DLGAP1: variants seen among roughly 807,000 people sequenced by gnomAD.
DLGAP1 encodes the protein disks large-associated protein 1.
A neutral mutation model predicts 90.8 loss-of-function variants in DLGAP1; 11 were observed. That is an observed-to-expected ratio of 0.12 (90% CI 0.08 to 0.20). DLGAP1 has a LOEUF of 0.20. Among genes scored for constraint, DLGAP1 ranks in the 10% least tolerant of loss-of-function variants. The pLI is 1.00. For synonymous variants in DLGAP1, 558 were observed against 540.7 expected, an observed-to-expected ratio of 1.03 and a Z score of -0.44; for missense variants, 1,050 against 1,333.8, an observed-to-expected ratio of 0.79 and a Z score of 3.31.
intron 2 of DLGAP1, among the ~76,000 whole-genome samples, chr18:4,105,414 T>C (rs1298635026): frequency 6.6e-6 from 1 of 152,180 alleles, no homozygotes; most frequent in Non-Finnish European, 1.5e-5. Context: ...GAAATAAAAG[T>C]CTTTTATTTC....
chr18:3,596,645 G>A (rs2056592081), intron 7 of DLGAP1: 3 of 311,990 alleles, frequency 9.6e-6, no homozygotes, highest in Admixed American at 1.0e-4. Flanking sequence ...TCTGTTCCAC[G>A]GATGTAACCA....
At chr18:3,899,520 C>CCTTTTGGA (rs1459173171) in intron 3 of DLGAP1, among the ~76,000 whole-genome samples, 25 of 152,288 alleles carry the variant, frequency 1.6e-4, no homozygotes, top group Non-Finnish European at 3.2e-4. Context: ...TTTGAGGAAA[C>CCTTTTGGA]CTTTTGGATG....
At chr18:4,436,318 G>A (rs780638744) in intron 1 of DLGAP1, among the ~76,000 whole-genome samples, 26 of 152,080 alleles carry the variant, frequency 1.7e-4, no homozygotes, top group Non-Finnish European at 3.2e-4. Context: ...CTAAAAGCCA[G>A]TGGTTCTGAA....
intron 2 of DLGAP1, among the ~76,000 whole-genome samples, chr18:4,054,390 T>C (rs2075182160): frequency 6.6e-6 from 1 of 152,208 alleles, no homozygotes; most frequent in Non-Finnish European, 1.5e-5. Context: ...GAAAAGTGCA[T>C]ATTTCTTCCA....
At position 3,893,177 on chromosome 18, in the gene DLGAP1, C is replaced by T. The variant is rs150102447; in HGVS notation, c.-72-13037G>A. 1.7e-4 allele frequency among the ~76,000 whole-genome samples: 26 copies of T among 152,174 alleles called. No homozygotes were observed. The East Asian group carries it at 5.0e-3, about 29-fold the overall frequency. ...AACTTTCTTTTTCTGAGTTATTTCA[C>T]TTAAGATAATGGCCTCCAGATCCAT... On this transcript the variant is annotated intron_variant, in intron 3 of 12. Transcript: ENST00000315677.
At chr18:4,345,497 T>C (rs2081286749) in intron 1 of DLGAP1, among the ~76,000 whole-genome samples, 1 of 152,210 alleles carries the variant, frequency 6.6e-6, no homozygotes, top group South Asian at 2.1e-4. Context: ...TCATAACCAG[T>C]TGAAAGGAGT....
At chr18:3,575,831 A>G (rs546895800) in intron 8 of DLGAP1, among the ~76,000 whole-genome samples, 28 of 152,172 alleles carry the variant, frequency 1.8e-4, no homozygotes, top group Non-Finnish European at 3.7e-4. Context: ...CAGATAAAGT[A>G]CTTGACTTGT....
chr18:3,540,643 A>G (rs764703101), intron 9 of DLGAP1, among the ~76,000 whole-genome samples: 2 of 152,064 alleles, frequency 1.3e-5, no homozygotes, highest in Non-Finnish European at 2.9e-5. Context: ...CCATTTATAT[A>G]CGGTTAGCAC....
chr18:4,093,249 A>G (rs2075617255), intron 2 of DLGAP1, among the ~76,000 whole-genome samples: 2 of 152,166 alleles, frequency 1.3e-5, no homozygotes, highest in South Asian at 4.1e-4. Context: ...AGAATATTTT[A>G]AGGAAGAAAA....
rs191695734 is a variant in DLGAP1 at position 4,383,224 on chromosome 18, T to A, written c.-267+71782A>T. Among the ~76,000 whole-genome samples the A allele has an allele frequency of 3.8e-3, 579 of 152,288 alleles. 3 individuals are homozygous for A. The highest frequency in any genetic ancestry group is 0.013 in the African/African-American group (557 of 41,576). On this transcript the variant is annotated intron_variant, in intron 1 of 12. Coordinates refer to ENST00000315677, the MANE Select transcript of DLGAP1 (RefSeq NM_004746.4). This position sits in a 1 kb window ranked among gnomAD's most constrained non-coding sequence, Gnocchi z 4.0. ...CATTAAAACATTACCTGGGGAATAA[T>A]GTTCTAATATTCATCTAACTGAAAG...
At chr18:3,978,589 G>C (rs878862521) in intron 3 of DLGAP1, 3 of 226,140 alleles carry the variant, frequency 1.3e-5, no homozygotes, top group Non-Finnish European at 1.8e-5. Flanking sequence ...GACCAAGTTC[G>C]TTTACTCTGG....
intron 2 of DLGAP1, among the ~76,000 whole-genome samples, chr18:4,074,176 G>A (rs1314560589): frequency 6.6e-6 from 1 of 152,108 alleles, no homozygotes; most frequent in Non-Finnish European, 1.5e-5. Flanking sequence ...GATATAAATG[G>A]ATTCTAGACT....
At chr18:4,070,146 C>T (rs940796492) in intron 2 of DLGAP1, among the ~76,000 whole-genome samples, 3 of 152,042 alleles carry the variant, frequency 2.0e-5, no homozygotes, top group African/African-American at 7.2e-5. Context: ...TTACGCCTGG[C>T]TAATTTTTGT....
chr18:3,960,860 T>C (rs2073184342), intron 3 of DLGAP1, among the ~76,000 whole-genome samples: 1 of 152,176 alleles, frequency 6.6e-6, no homozygotes, highest in Admixed American at 6.5e-5. Flanking sequence ...GGCCTTGGAG[T>C]TGACTGGCCC....
chr18:3,658,088 A>G (rs2146554203), intron 7 of DLGAP1, among the ~76,000 whole-genome samples: 1 of 152,272 alleles, frequency 6.6e-6, no homozygotes, highest in East Asian at 1.9e-4. Flanking sequence ...CAGCTTCAAT[A>G]CTATGTCAGT....
At chr18:4,151,732 C>G (rs2076678107) in intron 1 of DLGAP1, among the ~76,000 whole-genome samples, 1 of 152,070 alleles carries the variant, frequency 6.6e-6, no homozygotes, top group South Asian at 2.1e-4. Flanking sequence ...CAGAGTGGTT[C>G]TTTTCATTCT....
At chr18:3,893,854 C>T (rs750033313) in intron 3 of DLGAP1, among the ~76,000 whole-genome samples, 11 of 152,024 alleles carry the variant, frequency 7.2e-5, no homozygotes, top group Admixed American at 1.3e-4. Context: ...GACATTTTCT[C>T]ATTTCTCCAT....
At chr18:3,724,542 G>T (rs2062089173) in intron 7 of DLGAP1, among the ~76,000 whole-genome samples, 1 of 151,912 alleles carries the variant, frequency 6.6e-6, no homozygotes, top group African/African-American at 2.4e-5. Context: ...CCAGGAGTTT[G>T]AGACCAGCCT....
chr18:4,172,101 A>G (rs142270133), intron 1 of DLGAP1, among the ~76,000 whole-genome samples: 1 of 152,348 alleles, frequency 6.6e-6, no homozygotes, highest in African/African-American at 2.4e-5. Context: ...ACTCAATAAC[A>G]TCATCATATT....
Sources: gnomAD v4.1 joint callset for allele counts (sites outside exome capture counted in the v4.1 genomes callset) on GRCh38, gnomAD v4.1.1 for gene constraint, Gnocchi (gnomAD v3.1) non-coding constraint, MANE v1.5 for transcripts, NCBI Gene and HGNC (gene_info 2026-07-23, HGNC 2026-07-21) for gene names.